FAM171A1: variants seen among roughly 807,000 people sequenced by gnomAD.
FAM171A1 encodes the protein family with sequence similarity 171 member A1.
Under a neutral mutation model 74.9 loss-of-function variants are expected in FAM171A1, and 23 were observed. The observed-to-expected ratio is 0.31, with a 90% CI of 0.22 to 0.44. The LOEUF is 0.44. FAM171A1 is among the 20% of genes least tolerant of loss of function. FAM171A1 has a pLI of 1.00. For missense variants in FAM171A1, 1,162 were observed against 1,159.2 expected (o/e 1.00, Z -0.03); for synonymous variants, 527 against 505.7 (o/e 1.04, Z -0.57).
intron 1 of FAM171A1, among the ~76,000 whole-genome samples, chr10:15,344,977 CA>C (rs1352869552): frequency 6.6e-6 from 1 of 152,342 alleles, no homozygotes; most frequent in East Asian, 1.9e-4. Context: ...CACAGCTGAG[CA>C]AATCGATGGA....
At chr10:15,265,970 G>C (rs1431401266) in intron 3 of FAM171A1, among the ~76,000 whole-genome samples, 1 of 152,176 alleles carries the variant, frequency 6.6e-6, no homozygotes, top group East Asian at 1.9e-4. Context: ...GCCAGAGGTG[G>C]TAGAAGGCAC....
intron 1 of FAM171A1, among the ~76,000 whole-genome samples, chr10:15,339,746 C>G (rs1835742702): frequency 1.3e-5 from 2 of 152,140 alleles, no homozygotes; most frequent in African/African-American, 2.4e-5. Context: ...CTTATGCTCC[C>G]TGTATTCGTC....
intron 1 of FAM171A1, among the ~76,000 whole-genome samples, chr10:15,286,702 AC>A (rs1411558778): frequency 6.6e-6 from 1 of 152,218 alleles, no homozygotes; most frequent in Non-Finnish European, 1.5e-5. Context: ...GTCTCATGAT[AC>A]TAAAGCAGTC....
At chr10:15,235,414 T>A (rs956832063) in intron 5 of FAM171A1, among the ~76,000 whole-genome samples, 1 of 151,638 alleles carries the variant, frequency 6.6e-6, no homozygotes, top group Admixed American at 6.6e-5. Flanking sequence ...TGAACTGAAC[T>A]TGTCACTTGC....
At chr10:15,331,157 G>A (rs1835626336) in intron 1 of FAM171A1, among the ~76,000 whole-genome samples, 1 of 152,080 alleles carries the variant, frequency 6.6e-6, no homozygotes, top group African/African-American at 2.4e-5. Context: ...CCAAAGCGCT[G>A]GGATTACAGG....
At chr10:15,302,003 T>TTTGGGTA (rs993231345) in intron 1 of FAM171A1, among the ~76,000 whole-genome samples, 3 of 152,278 alleles carry the variant, frequency 2.0e-5, no homozygotes, top group African/African-American at 7.2e-5. Context: ...AGTCCCAATT[T>TTTGGGTA]TTGGGTAATG....
rs552362896 is a variant in FAM171A1, at chr10:15,365,988, T to C, written c.97+4968A>G. Among the ~76,000 whole-genome samples the C allele has an allele frequency of 5.3e-5, 8 of 152,308 alleles. No individual in the cohort carries two copies. In the South Asian group the frequency reaches 1.7e-3, roughly 32 times the overall value. On this transcript the variant is annotated intron_variant, in intron 1 of 7. Transcript: ENST00000378116. ...GTTAGTTGCCTCAAATTTTGCCTAT[T>C]TACAAGTTAGATTTATTTTTTAAAT...
At chr10:15,315,223 G>C (rs1381570505) in intron 1 of FAM171A1, among the ~76,000 whole-genome samples, 1 of 152,218 alleles carries the variant, frequency 6.6e-6, no homozygotes, top group Admixed American at 6.5e-5. Context: ...TAGGAAGGCA[G>C]AGAGTGGTTC....
chr10:15,294,525 T>A (rs1421611848), intron 1 of FAM171A1, among the ~76,000 whole-genome samples: 1 of 152,202 alleles, frequency 6.6e-6, no homozygotes, highest in Non-Finnish European at 1.5e-5. Flanking sequence ...AAACGAGCGC[T>A]CAGGAATTCT....
intron 5 of FAM171A1, among the ~76,000 whole-genome samples, chr10:15,243,299 G>C (rs959611928): frequency 2.6e-5 from 4 of 151,930 alleles, no homozygotes; most frequent in African/African-American, 9.7e-5. Context: ...GATGGCCGTG[G>C]GCCCACCCAG....
At chr10:15,268,270 G>A (rs1834773783) in intron 3 of FAM171A1, among the ~76,000 whole-genome samples, 1 of 152,118 alleles carries the variant, frequency 6.6e-6, no homozygotes, top group South Asian at 2.1e-4. Flanking sequence ...CCCTCACTTT[G>A]TAAACACTTG....
intron 1 of FAM171A1, among the ~76,000 whole-genome samples, chr10:15,314,548 T>A (rs1423020020): frequency 6.6e-6 from 1 of 152,128 alleles, no homozygotes; most frequent in African/African-American, 2.4e-5. Flanking sequence ...GGGACCGAGG[T>A]GTTCTCGTTG....
intron 6 of FAM171A1, among the ~76,000 whole-genome samples, chr10:15,218,713 A>G (rs10906863): frequency 0.22 from 33,789 of 151,796 alleles, 4,015 homozygotes; most frequent in African/African-American, 0.31. Context: ...TCCTGCCTCA[A>G]CCTCTCAAGT....
chr10:15,351,574 T>C (rs1317556584), intron 1 of FAM171A1, among the ~76,000 whole-genome samples: 1 of 149,864 alleles, frequency 6.7e-6, no homozygotes, highest in Non-Finnish European at 1.5e-5. Flanking sequence ...GGACGATGGA[T>C]GGATGGATGG....
chr10:15,214,343 G>A lies in FAM171A1; in HGVS notation c.1245C>T (p.Leu415=). 6.2e-7 allele frequency: 1 copy of A among 1,612,702 alleles called. No individual in the cohort carries two copies. The highest frequency in any genetic ancestry group is 8.5e-7 in the Non-Finnish European group (1 of 1,179,286). The change falls in exon 8 of 8, where the codon CTC becomes CTT. Residue 415 remains leucine, a synonymous_variant. Transcript: ENST00000378116. ...GGEGDLHTPM[L]KLSYSTSQEF... Reference sequence around the variant, plus strand: ...CCTGGGAGGTGCTGTAGGAGAGCTTGAGCATGGGGGTGTGCAGGTCCCCTT... The same window carrying A: ...CCTGGGAGGTGCTGTAGGAGAGCTTAAGCATGGGGGTGTGCAGGTCCCCTT...
chr10:15,223,349 C>A (rs748276563), intron 5 of FAM171A1, among the ~76,000 whole-genome samples: 5 of 152,200 alleles, frequency 3.3e-5, no homozygotes, highest in African/African-American at 9.6e-5. Context: ...CAGTGATGCT[C>A]TCAGCCTCTC....
intron 1 of FAM171A1, among the ~76,000 whole-genome samples, chr10:15,328,933 A>C (rs1444242114): frequency 6.6e-6 from 1 of 152,176 alleles, no homozygotes; most frequent in Non-Finnish European, 1.5e-5. Context: ...CAAACATGCA[A>C]AACAACTCTG....
chr10:15,278,727 T>A (rs12259166), intron 2 of FAM171A1, among the ~76,000 whole-genome samples: 2,365 of 152,064 alleles, frequency 0.016, 73 homozygotes, highest in African/African-American at 0.053. Flanking sequence ...GAGGGTAGAT[T>A]AGTGGTTGCC....
chr10:15,344,587 A>G (rs945225500), intron 1 of FAM171A1, among the ~76,000 whole-genome samples: 1 of 152,338 alleles, frequency 6.6e-6, no homozygotes, highest in African/African-American at 2.4e-5. Context: ...ATTTCAGATG[A>G]CAAACAAATA....
Sources: gnomAD v4.1 joint callset for allele counts (sites outside exome capture counted in the v4.1 genomes callset) on GRCh38, gnomAD v4.1.1 for gene constraint, MANE v1.5 for transcripts, NCBI Gene and HGNC (gene_info 2026-07-23, HGNC 2026-07-21) for gene names.